The following EMSY variants were observed in gnomAD, a reference collection of about 807,000 sequenced individuals.
The protein encoded by EMSY is EMSY transcriptional repressor, BRCA2 interacting.
A neutral mutation model predicts 134.6 loss-of-function variants in EMSY; 26 were observed. The ratio of observed to expected loss-of-function variants is 0.19; its 90% CI spans 0.14 to 0.27. EMSY has a LOEUF of 0.27. EMSY is among the 10% of genes least tolerant of loss of function. The pLI, the probability that EMSY is intolerant of heterozygous loss-of-function variation, is 1.00. For synonymous variants in EMSY, 579 were observed against 577.8 expected, an observed-to-expected ratio of 1.00 and a Z score of -0.03; for missense variants, 1,305 against 1,611.4, an observed-to-expected ratio of 0.81 and a Z score of 3.26.
intron 7 of EMSY, among the ~76,000 whole-genome samples, chr11:76,471,214 T>A (rs1052945546): frequency 6.6e-6 from 1 of 152,150 alleles, no homozygotes; most frequent in Non-Finnish European, 1.5e-5. Context: ...AATGATTTTT[T>A]AAAAAATGGA....
At chr11:76,458,853 G>A (rs1229792502) in intron 5 of EMSY, 1 of 152,182 alleles carries the variant, frequency 6.6e-6, no homozygotes, top group Non-Finnish European at 1.5e-5. Context: ...ATTGACACAT[G>A]CTTTAAAAAT....
At chr11:76,495,262 G>A (rs1949605153) in intron 8 of EMSY, among the ~76,000 whole-genome samples, 1 of 152,192 alleles carries the variant, frequency 6.6e-6, no homozygotes, top group Non-Finnish European at 1.5e-5. Context: ...TTGTCATGGT[G>A]AGGATGTGGT....
chr11:76,496,847 TG>T (rs1230944366), intron 9 of EMSY: 5 of 307,388 alleles, frequency 1.6e-5, no homozygotes, highest in African/African-American at 1.1e-4. Context: ...GGGACAGTTT[TG>T]TTTCTTCCTT....
chr11:76,453,501 T>A, intron 4 of EMSY, 113 bp downstream of exon 4: 1 of 899,484 alleles, frequency 1.1e-6, no homozygotes, highest in Non-Finnish European at 1.7e-6. Context: ...ACAATATCTC[T>A]ATACTCAGGG....
exon 16 of EMSY, chr11:76,537,819 C>G: frequency 6.2e-7 from 1 of 1,603,140 alleles, no homozygotes; most frequent in South Asian, 1.1e-5. Context: ...GAATCTAAAC[C>G]AAGACAACCC....
chr11:76,535,870 T>G (rs1951206014), intron 14 of EMSY, 25 bp from the exon 16 acceptor site: 5 of 1,404,508 alleles, frequency 3.6e-6, no homozygotes, highest in Non-Finnish European at 4.7e-6. Context: ...ATAGGGTTTG[T>G]TTTTTTTTAA....
At chr11:76,511,172 C>G (rs1423214265) in intron 9 of EMSY, among the ~76,000 whole-genome samples, 4 of 152,132 alleles carry the variant, frequency 2.6e-5, no homozygotes. Context: ...GAGCCTGCTA[C>G]TTTTTGGCAA....
chr11:76,504,860 A>G (rs1159912243), intron 9 of EMSY, among the ~76,000 whole-genome samples: 1 of 152,242 alleles, frequency 6.6e-6, no homozygotes, highest in African/African-American at 2.4e-5. Flanking sequence ...TACAAGATGG[A>G]TGAACCTCAA....
At chr11:76,477,194 C>T (rs1192225770) in intron 8 of EMSY, among the ~76,000 whole-genome samples, 4 of 150,750 alleles carry the variant, frequency 2.7e-5, no homozygotes, top group African/African-American at 9.7e-5. Flanking sequence ...TAAGGATATA[C>T]AATCAAATTA....
rs73493476 is a variant in EMSY, at chr11:76,462,426, A to G, written c.572-1395A>G. On this transcript the variant is annotated intron_variant, in intron 6 of 20. Transcript: ENST00000334736. ...TAACTTTGTATGTGCAAGGCACTATACTGGGGAAACAAACCAATAAGACTT... is the reference window on the plus strand; with the variant it reads ...TAACTTTGTATGTGCAAGGCACTATGCTGGGGAAACAAACCAATAAGACTT... 2.1e-3 allele frequency among the ~76,000 whole-genome samples: 318 copies of G among 152,336 alleles called. 5 individuals are homozygous for G. The highest frequency in any genetic ancestry group is 7.2e-3 in the African/African-American group (301 of 41,560).
intron 8 of EMSY, among the ~76,000 whole-genome samples, chr11:76,476,681 C>T (rs1342390270): frequency 2.0e-5 from 3 of 152,114 alleles, no homozygotes; most frequent in Admixed American, 6.6e-5. Flanking sequence ...GACACAACTA[C>T]ATTAGTCTTT....
chr11:76,454,928 C>A, intron 4 of EMSY, 138 bp downstream of exon 5: 1 of 628,172 alleles, frequency 1.6e-6, no homozygotes, highest in Non-Finnish European at 2.6e-6. Context: ...CCCTCCTCCC[C>A]CTCCTAATAC....
At chr11:76,490,587 T>C (rs1168863490) in intron 8 of EMSY, among the ~76,000 whole-genome samples, 1 of 152,248 alleles carries the variant, frequency 6.6e-6, no homozygotes, top group Non-Finnish European at 1.5e-5. Context: ...CTCCCTTCCT[T>C]GTGCTATGGT....
intron 9 of EMSY, among the ~76,000 whole-genome samples, chr11:76,510,961 TG>T: frequency 6.6e-6 from 1 of 152,320 alleles, no homozygotes; most frequent in East Asian, 1.9e-4. Flanking sequence ...ATTGAGTAGA[TG>T]TTTTTTCATT....
At chr11:76,483,414 A>C (rs1027867080) in intron 8 of EMSY, among the ~76,000 whole-genome samples, 2 of 152,224 alleles carry the variant, frequency 1.3e-5, no homozygotes, top group African/African-American at 4.8e-5. Flanking sequence ...TATTAACCTT[A>C]AATGTAAACA....
At chr11:76,529,856 T>C (rs1214468211) in intron 14 of EMSY, among the ~76,000 whole-genome samples, 3 of 152,226 alleles carry the variant, frequency 2.0e-5, no homozygotes, top group African/African-American at 7.2e-5. Context: ...TCTGTATTGA[T>C]TATGAGTCAA....
chr11:76,529,318 C>A (rs971474491), intron 14 of EMSY, among the ~76,000 whole-genome samples: 4 of 152,164 alleles, frequency 2.6e-5, no homozygotes, highest in African/African-American at 9.7e-5. Flanking sequence ...CCATTATCCT[C>A]TCTGGGGTGC....
chr11:76,546,374 C>T, intron 20 of EMSY, 77 bp downstream of exon 21: 1 of 1,497,132 alleles, frequency 6.7e-7, no homozygotes, highest in Non-Finnish European at 9.0e-7. Context: ...TTTGACTTGT[C>T]ACAGGAAGAA....
intron 8 of EMSY, among the ~76,000 whole-genome samples, chr11:76,493,396 GGGGT>G (rs1949503635): frequency 6.6e-6 from 1 of 152,190 alleles, no homozygotes; most frequent in Non-Finnish European, 1.5e-5. Flanking sequence ...TGAGTGCAAA[GGGGT>G]GGGTCCCGGT....
Sources: gnomAD v4.1 joint callset for allele counts (sites outside exome capture counted in the v4.1 genomes callset) on GRCh38, gnomAD v4.1.1 for gene constraint, MANE v1.5 for transcripts, NCBI Gene and HGNC (gene_info 2026-07-23, HGNC 2026-07-21) for gene names.